Variants in TC2N observed in about 807,000 individuals in gnomAD.
TC2N encodes tandem C2 domains, nuclear.
A neutral mutation model predicts 61.9 loss-of-function variants in TC2N; 51 were observed. The ratio of observed to expected loss-of-function variants is 0.82; its 90% CI spans 0.66 to 1.04. The LOEUF (loss-of-function observed/expected upper bound fraction) is 1.04, where lower values mean the gene tolerates loss of function less well. Ranked by LOEUF, TC2N falls within the 50% of genes least tolerant of loss-of-function variation. TC2N has a pLI of 0.00. For synonymous variants in TC2N, 204 were observed against 192.6 expected (o/e 1.06, Z -0.49); for missense variants, 556 against 566.7 (o/e 0.98, Z 0.19).
intron 1 of TC2N, among the ~76,000 whole-genome samples, chr14:91,853,606 C>A (rs1888418238): frequency 1.4e-5 from 2 of 147,846 alleles, no homozygotes. Flanking sequence ...TTCATGCTGC[C>A]CTTCACTGAA....
At chr14:91,787,653 G>A (rs763850820) in intron 9 of TC2N, 26 bp from the exon 10 acceptor site, 3 of 1,363,886 alleles carry the variant, frequency 2.2e-6, no homozygotes, top group Middle Eastern at 1.8e-4. Context: ...GTGTCATTTG[G>A]TAGTTAAGAA....
At chr14:91,814,617 T>C (rs1886930574) in intron 1 of TC2N, among the ~76,000 whole-genome samples, 1 of 143,070 alleles carries the variant, frequency 7.0e-6, no homozygotes, top group South Asian at 2.2e-4. Flanking sequence ...AGAAAAGAGA[T>C]GAAAAGAAAA....
chr14:91,793,196 A>C (rs1452305745), intron 8 of TC2N, among the ~76,000 whole-genome samples: 1 of 152,182 alleles, frequency 6.6e-6, no homozygotes, highest in Non-Finnish European at 1.5e-5. Flanking sequence ...TAGCCTCAGA[A>C]CATTTTTAAA....
chr14:91,804,265 T>C (rs550317886), intron 3 of TC2N, among the ~76,000 whole-genome samples: 2 of 152,340 alleles, frequency 1.3e-5, no homozygotes, highest in Admixed American at 6.5e-5. Flanking sequence ...ATAATCACTA[T>C]GGAAAAAGAG....
intron 1 of TC2N, among the ~76,000 whole-genome samples, chr14:91,844,053 GA>G (rs33944224): frequency 8.0e-5 from 12 of 150,880 alleles, no homozygotes; most frequent in East Asian, 2.0e-4. Context: ...CAGAAGAAAG[GA>G]AAAAAAAATG....
intron 5 of TC2N, 104 bp downstream of exon 5, chr14:91,800,177 C>A: frequency 5.2e-6 from 3 of 576,512 alleles, no homozygotes; most frequent in East Asian, 6.4e-5. Context: ...ACAGATACAT[C>A]TACAAAAAAT....
intron 1 of TC2N, among the ~76,000 whole-genome samples, chr14:91,815,625 T>C (rs767997942): frequency 2.0e-5 from 3 of 151,626 alleles, no homozygotes; most frequent in African/African-American, 7.2e-5. Flanking sequence ...TGCGAAGAAG[T>C]ATAACAAAAC....
intron 1 of TC2N, among the ~76,000 whole-genome samples, chr14:91,851,094 A>G (rs1030490082): frequency 1.3e-5 from 2 of 152,158 alleles, no homozygotes. Flanking sequence ...ATGTAATAAT[A>G]ATAGAAATAA....
chr14:91,828,839 T>C (rs1887618371), intron 1 of TC2N, among the ~76,000 whole-genome samples: 2 of 152,070 alleles, frequency 1.3e-5, no homozygotes, highest in Non-Finnish European at 1.5e-5. Context: ...ACTACATAGG[T>C]TGTAGGTACA....
At chr14:91,832,390 C>CAA (rs33961348) in intron 1 of TC2N, among the ~76,000 whole-genome samples, 116,030 of 136,316 alleles carry the variant, frequency 0.85, 50,279 homozygotes, top group East Asian at 0.94. Flanking sequence ...AACTCCGTCT[C>CAA]AAAAAAAAAA....
intron 1 of TC2N, among the ~76,000 whole-genome samples, chr14:91,855,386 G>A (rs1888463917): frequency 6.6e-6 from 1 of 152,186 alleles, no homozygotes; most frequent in African/African-American, 2.4e-5. Flanking sequence ...GAGGCTCTAG[G>A]GGAGAATCCT....
intron 1 of TC2N, among the ~76,000 whole-genome samples, chr14:91,843,501 C>T (rs1420088942): frequency 1.3e-5 from 2 of 152,144 alleles, no homozygotes; most frequent in Non-Finnish European, 2.9e-5. Flanking sequence ...TTTTTAATAA[C>T]AGAGATGAGA....
chr14:91,822,199 G>A (rs563464057), intron 1 of TC2N, among the ~76,000 whole-genome samples: 1 of 152,248 alleles, frequency 6.6e-6, no homozygotes, highest in East Asian at 1.9e-4. Context: ...GTTGTACACT[G>A]GTGTTCATAG....
chr14:91,837,120 A>T lies in TC2N; in HGVS notation c.-56-23295T>A, dbSNP rs1339111504. On this transcript the variant is annotated intron_variant, in intron 1 of 11. Coordinates refer to ENST00000435962, the MANE Select transcript of TC2N (RefSeq NM_001128596.3). This position sits in a 1 kb window ranked among gnomAD's most constrained non-coding sequence, Gnocchi z 4.2. ...GAGGGATCCCCTCTAACCCTGGTAA[A>T]GCGGGGGGCCTGGCCCTTTTCTCTG... 6.6e-6 allele frequency among the ~76,000 whole-genome samples: 1 copy of T among 152,210 alleles called. No homozygotes were observed. Among genetic ancestry groups the T allele is most frequent in the Non-Finnish European group, 1.5e-5 (1 of 68,034 alleles).
At chr14:91,850,291 T>C (rs1485973067) in intron 1 of TC2N, among the ~76,000 whole-genome samples, 1 of 152,170 alleles carries the variant, frequency 6.6e-6, no homozygotes, top group African/African-American at 2.4e-5. Flanking sequence ...ATCTTTGCAT[T>C]TCTAATGTCT....
Position 91,813,823 on chromosome 14 carries a change from A to C in TC2N, c.-54T>G. Reference sequence around the variant, plus strand: ...GACACAAACTTCCAATCTTAATATTAATCTGTTGGTAGAATAGAAAACAAG... The same window carrying C: ...GACACAAACTTCCAATCTTAATATTCATCTGTTGGTAGAATAGAAAACAAG... On this transcript the variant is annotated splice_region_variant and 5_prime_UTR_variant, in exon 2 of 12. In the 5' UTR this introduces an upstream ATG that the reference lacks. Coordinates refer to ENST00000435962, the MANE Select transcript of TC2N (RefSeq NM_001128596.3). 7.9e-7 allele frequency: 1 copy of C among 1,260,708 alleles called. No individual in the cohort carries two copies. The highest frequency in any genetic ancestry group is 1.2e-6 in the Non-Finnish European group (1 of 866,488). The allele number at this position is 1,260,708 out of a possible 1,614,324, so 78.1% of individuals were successfully genotyped here. A position where few individuals can be genotyped will look rare whatever the true frequency, so the allele number is the denominator to read the frequency against.
At chr14:91,824,587 T>C (rs901969151) in intron 1 of TC2N, among the ~76,000 whole-genome samples, 88 of 152,312 alleles carry the variant, frequency 5.8e-4, no homozygotes, top group African/African-American at 1.9e-3. Context: ...CAAGCATTTA[T>C]TGAGCATCTA....
chr14:91,850,546 G>C (rs974476607), intron 1 of TC2N, among the ~76,000 whole-genome samples: 2 of 152,204 alleles, frequency 1.3e-5, no homozygotes, highest in African/African-American at 4.8e-5. Context: ...TCTGCCTCCT[G>C]TGAGATCAGT....
chr14:91,826,255 G>A (rs1332970158), intron 1 of TC2N, among the ~76,000 whole-genome samples: 6 of 151,598 alleles, frequency 4.0e-5, no homozygotes, highest in Admixed American at 1.3e-4. Context: ...AAGAAGTGGA[G>A]GCTGTGGGAA....
Sources: allele counts gnomAD v4.1 joint callset (sites outside exome capture counted in the v4.1 genomes callset), GRCh38; gene constraint gnomAD v4.1.1; non-coding constraint Gnocchi (gnomAD v3.1); transcripts MANE v1.5; gene names NCBI Gene and HGNC (gene_info 2026-07-23, HGNC 2026-07-21).